IQCK: variants seen among roughly 807,000 people sequenced by gnomAD.
IQCK encodes IQ domain-containing protein K.
In IQCK, 29 loss-of-function variants were observed where a neutral mutation model predicts 28.1. The observed-to-expected ratio is 1.03, with a 90% CI of 0.77 to 1.41. The LOEUF (loss-of-function observed/expected upper bound fraction) is 1.41, where lower values mean the gene tolerates loss of function less well. IQCK is among the 40% of genes most tolerant of loss of function. The pLI is 0.00. For synonymous variants in IQCK, 113 were observed against 115.1 expected (o/e 0.98, Z 0.12); for missense variants, 359 against 314.7 (o/e 1.14, Z -1.07).
chr16:19,733,819 C>T (rs778436677), exon 3 of IQCK: 1 of 1,613,624 alleles, frequency 6.2e-7, no homozygotes, highest in African/African-American at 1.3e-5. Context: ...ACAATCAACC[C>T]AAAAACATGT....
At chr16:19,817,843 C>T (rs1253558018) in intron 7 of IQCK, among the ~76,000 whole-genome samples, 1 of 152,152 alleles carries the variant, frequency 6.6e-6, no homozygotes, top group Non-Finnish European at 1.5e-5. Context: ...TCCCTGATGA[C>T]GAACCCACCT....
At chr16:19,815,943 A>C (rs945695880) in intron 7 of IQCK, among the ~76,000 whole-genome samples, 1 of 152,200 alleles carries the variant, frequency 6.6e-6, no homozygotes, top group African/African-American at 2.4e-5. Context: ...TTAGTATGTC[A>C]CATCATTAGC....
chr16:19,748,914 C>A (rs1363573002), intron 4 of IQCK, among the ~76,000 whole-genome samples: 4 of 151,958 alleles, frequency 2.6e-5, no homozygotes, highest in African/African-American at 9.7e-5. Context: ...CAAAACAAAA[C>A]AAAAAACCAG....
At chr16:19,718,385 A>T in exon 1 of IQCK, 1 of 1,607,262 alleles carries the variant, frequency 6.2e-7, no homozygotes, top group Non-Finnish European at 8.5e-7. Context: ...GTTCACCCGG[A>T]CGCCGGTGCC....
At chr16:19,801,284 T>TTC (rs200001766) in intron 7 of IQCK, among the ~76,000 whole-genome samples, 3 of 109,280 alleles carry the variant, frequency 2.7e-5, no homozygotes, top group Admixed American at 8.1e-5. Context: ...TTCACAGTCT[T>TTC]TCTCTCTCTC....
At chr16:19,735,673 C>T (rs1977991527) in intron 4 of IQCK, 5 of 523,394 alleles carry the variant, frequency 9.6e-6, no homozygotes, top group South Asian at 2.1e-5. Flanking sequence ...AGAGCTTTTC[C>T]GCCTTGCTTG....
intron 9 of IQCK, among the ~76,000 whole-genome samples, chr16:19,852,769 C>T (rs962569148): frequency 1.8e-4 from 28 of 151,890 alleles, no homozygotes; most frequent in Non-Finnish European, 3.1e-4. Flanking sequence ...ACTACAGGTG[C>T]CCGCCACCAT....
intron 7 of IQCK, among the ~76,000 whole-genome samples, chr16:19,816,181 A>G (rs2055986880): frequency 6.6e-6 from 1 of 152,196 alleles, no homozygotes; most frequent in South Asian, 2.1e-4. Context: ...GAATCAGAGA[A>G]AACAACTGAG....
At chr16:19,736,426 C>CTGAT (rs3055706) in intron 4 of IQCK, among the ~76,000 whole-genome samples, 17,077 of 151,494 alleles carry the variant, frequency 0.11, 1,039 homozygotes, top group Non-Finnish European at 0.14. Flanking sequence ...CCACGCCTGA[C>CTGAT]TGATTGATTG....
At chr16:19,834,958 A>G (rs1208375094) in intron 9 of IQCK, among the ~76,000 whole-genome samples, 3 of 152,194 alleles carry the variant, frequency 2.0e-5, no homozygotes, top group African/African-American at 7.2e-5. Context: ...TAGTTTTCCC[A>G]TTCATCTATC....
At chr16:19,833,709 C>T (rs769743148) in intron 9 of IQCK, among the ~76,000 whole-genome samples, 7 of 152,160 alleles carry the variant, frequency 4.6e-5, no homozygotes, top group Non-Finnish European at 1.0e-4. Context: ...ATTTAGACCA[C>T]AATGACAAAT....
At chr16:19,733,374 G>C (rs867379896) in intron 2 of IQCK, among the ~76,000 whole-genome samples, 1 of 151,986 alleles carries the variant, frequency 6.6e-6, no homozygotes, top group Non-Finnish European at 1.5e-5. Flanking sequence ...CCTGACCTCA[G>C]ATGATCCATC....
chr16:19,841,414 G>A (rs2056360832), intron 9 of IQCK, among the ~76,000 whole-genome samples: 1 of 152,160 alleles, frequency 6.6e-6, no homozygotes, highest in Non-Finnish European at 1.5e-5. Context: ...ATTTGAAGCT[G>A]TTCAGGATGA....
intron 9 of IQCK, among the ~76,000 whole-genome samples, chr16:19,854,350 C>A (rs888844782): frequency 6.6e-6 from 1 of 152,100 alleles, no homozygotes; most frequent in Non-Finnish European, 1.5e-5. Context: ...GGAAAAGGGC[C>A]CTGAATTTGC....
chr16:19,826,084 G>A (rs2056145192), intron 7 of IQCK, among the ~76,000 whole-genome samples: 1 of 152,058 alleles, frequency 6.6e-6, no homozygotes, highest in Non-Finnish European at 1.5e-5. Context: ...TTGGCTTACT[G>A]CAGCCTCAAC....
intron 6 of IQCK, chr16:19,764,431 A>C: frequency 5.0e-6 from 1 of 198,668 alleles, no homozygotes; most frequent in Non-Finnish European, 1.0e-5. Flanking sequence ...AAATATGACT[A>C]AGCTTTTCTA....
chr16:19,751,624 G>A (rs2054987764), intron 4 of IQCK, among the ~76,000 whole-genome samples: 1 of 152,156 alleles, frequency 6.6e-6, no homozygotes, highest in African/African-American at 2.4e-5. Flanking sequence ...GGCAGGAGTA[G>A]CGAGATGGAT....
intron 7 of IQCK, among the ~76,000 whole-genome samples, chr16:19,818,339 CACTACTTTGTGTGTGT>C (rs1256628345): frequency 6.6e-6 from 1 of 152,174 alleles, no homozygotes; most frequent in Non-Finnish European, 1.5e-5. Flanking sequence ...TTGCATGACA[CACTACTTTGTGTGTGT>C]GTGTGTGTGT....
chr16:19,849,917 G>T (rs2141122185), intron 9 of IQCK, among the ~76,000 whole-genome samples: 1 of 152,270 alleles, frequency 6.6e-6, no homozygotes, highest in Non-Finnish European at 1.5e-5. Flanking sequence ...GTACTCCTTG[G>T]AGACATGATT....
Sources: allele counts gnomAD v4.1 joint callset (sites outside exome capture counted in the v4.1 genomes callset), GRCh38; gene constraint gnomAD v4.1.1; transcripts MANE v1.5; gene names NCBI Gene and HGNC (gene_info 2026-07-23, HGNC 2026-07-21).